FAM110B: variants seen among roughly 807,000 people sequenced by gnomAD.
FAM110B encodes the protein family with sequence similarity 110 member B, also known as protein FAM110B.
A neutral mutation model predicts 20.4 loss-of-function variants in FAM110B; 6 were observed. That is an observed-to-expected ratio of 0.29 (90% CI 0.16 to 0.58). The LOEUF (loss-of-function observed/expected upper bound fraction) is 0.58. Ranked by LOEUF, FAM110B falls within the 20% of genes least tolerant of loss-of-function variation. The pLI is 0.90. For synonymous variants in FAM110B, 226 were observed against 214.1 expected (o/e 1.06, Z -0.49); for missense variants, 434 against 498.2 (o/e 0.87, Z 1.23).
At chr8:58,058,655 A>AT (rs1563354187) in intron 2 of FAM110B, among the ~76,000 whole-genome samples, 1 of 152,100 alleles carries the variant, frequency 6.6e-6, no homozygotes, top group South Asian at 2.1e-4. Flanking sequence ...AGATTGAGTC[A>AT]TTTTTTTCTT....
At chr8:58,078,022 T>G (rs969760224) in intron 3 of FAM110B, among the ~76,000 whole-genome samples, 5 of 152,270 alleles carry the variant, frequency 3.3e-5, no homozygotes, top group Admixed American at 3.3e-4. Flanking sequence ...TTGTTTCTTA[T>G]CTGTATCCAA....
chr8:58,112,997 A>G (rs1807101170), intron 3 of FAM110B, among the ~76,000 whole-genome samples: 2 of 152,198 alleles, frequency 1.3e-5, no homozygotes, highest in African/African-American at 2.4e-5. Context: ...TTCTGGGCTC[A>G]CAGATGGACA....
chr8:58,037,482 ATT>A (rs1805101115), intron 2 of FAM110B, among the ~76,000 whole-genome samples: 3 of 151,366 alleles, frequency 2.0e-5, no homozygotes, highest in East Asian at 1.9e-4. Flanking sequence ...AAAAAAAAAA[ATT>A]AAAAATTATC....
At chr8:58,003,207 C>G (rs1804334539) in intron 1 of FAM110B, among the ~76,000 whole-genome samples, 1 of 152,164 alleles carries the variant, frequency 6.6e-6, no homozygotes, top group Non-Finnish European at 1.5e-5. Flanking sequence ...TTAGTTTTAT[C>G]ATGAGATTGC....
At chr8:58,049,548 G>A (rs924369372) in intron 2 of FAM110B, among the ~76,000 whole-genome samples, 4 of 152,012 alleles carry the variant, frequency 2.6e-5, no homozygotes, top group Admixed American at 2.6e-4. Context: ...GATTGACGGA[G>A]GATAGACACT....
chr8:58,102,894 C>T (rs910671989), intron 3 of FAM110B, among the ~76,000 whole-genome samples: 3 of 149,332 alleles, frequency 2.0e-5, no homozygotes, highest in African/African-American at 7.3e-5. Context: ...AGGCTAGAAA[C>T]TTCAAAGCCA....
At chr8:58,037,437 A>G (rs1329984763) in intron 2 of FAM110B, among the ~76,000 whole-genome samples, 2 of 149,954 alleles carry the variant, frequency 1.3e-5, no homozygotes, top group African/African-American at 2.5e-5. Flanking sequence ...GGAGTTTGAG[A>G]CCAGCTTGGC....
At chr8:58,068,904 T>C (rs1805832976) in intron 2 of FAM110B, among the ~76,000 whole-genome samples, 1 of 152,158 alleles carries the variant, frequency 6.6e-6, no homozygotes, top group Non-Finnish European at 1.5e-5. Flanking sequence ...TAATTAAAAC[T>C]TTTCCCAATT....
chr8:58,039,864 G>T (rs1805172555), intron 2 of FAM110B, among the ~76,000 whole-genome samples: 1 of 152,178 alleles, frequency 6.6e-6, no homozygotes, highest in South Asian at 2.1e-4. Flanking sequence ...GGTGCCAGCA[G>T]TCCCACCTCA....
chr8:58,102,268 A>G (rs1395746901), intron 3 of FAM110B, among the ~76,000 whole-genome samples: 5 of 152,182 alleles, frequency 3.3e-5, no homozygotes, highest in East Asian at 3.9e-4. Flanking sequence ...AAAAGCTAAC[A>G]CAGAGCGGCA....
intron 3 of FAM110B, among the ~76,000 whole-genome samples, chr8:58,132,385 G>T (rs1217870199): frequency 1.3e-5 from 2 of 150,514 alleles, no homozygotes; most frequent in East Asian, 2.0e-4. Context: ...GGTGAGGGGG[G>T]CGCTGGCCAG....
At chr8:58,125,141 G>C (rs1375885437) in intron 3 of FAM110B, among the ~76,000 whole-genome samples, 1 of 152,090 alleles carries the variant, frequency 6.6e-6, no homozygotes, top group African/African-American at 2.4e-5. Flanking sequence ...TTGAGCCCAG[G>C]AGTTCGAGAC....
At chr8:58,094,418 G>A (rs571607996) in intron 3 of FAM110B, among the ~76,000 whole-genome samples, 8 of 152,190 alleles carry the variant, frequency 5.3e-5, no homozygotes, top group African/African-American at 1.2e-4. Context: ...TTTGAGATAC[G>A]TTCCACCAAT....
At chr8:58,037,519 C>T (rs553373015) in intron 2 of FAM110B, among the ~76,000 whole-genome samples, 14 of 151,832 alleles carry the variant, frequency 9.2e-5, no homozygotes, top group African/African-American at 1.9e-4. Context: ...ACGCCTATAA[C>T]CCTAGCTACT....
intron 3 of FAM110B, among the ~76,000 whole-genome samples, chr8:58,138,517 TG>T (rs1803673411): frequency 6.6e-6 from 1 of 152,164 alleles, no homozygotes; most frequent in Non-Finnish European, 1.5e-5. Context: ...GGGCCTGTGT[TG>T]GGCTTTTTTG....
chr8:58,057,915 C>T (rs900270073), intron 2 of FAM110B, among the ~76,000 whole-genome samples: 4 of 152,242 alleles, frequency 2.6e-5, no homozygotes, highest in Non-Finnish European at 4.4e-5. Context: ...ACTTTGCTTC[C>T]TCCTGCAGTC....
Position 58,035,725 on chromosome 8 carries a change from G to A in FAM110B, c.-414+4022G>A, listed in dbSNP as rs77912392. Among the ~76,000 whole-genome samples the A allele has an allele frequency of 8.3e-3, 1,267 of 152,304 alleles. 7 individuals are homozygous for A. Among genetic ancestry groups the A allele is most frequent in the South Asian group, 0.015 (72 of 4,822 alleles). On this transcript the variant is annotated intron_variant, in intron 2 of 3. Coordinates refer to ENST00000519262, the MANE Select transcript of FAM110B (RefSeq NM_001377989.1). ...TGATGACTTTTCAAATTTACCTTTAGCAGTACAGTTAAACTATAAAGAAAG... is the reference window on the plus strand; with the variant it reads ...TGATGACTTTTCAAATTTACCTTTAACAGTACAGTTAAACTATAAAGAAAG...
At chr8:58,015,109 A>T (rs530962541) in intron 1 of FAM110B, among the ~76,000 whole-genome samples, 2 of 152,352 alleles carry the variant, frequency 1.3e-5, no homozygotes, top group Admixed American at 1.3e-4. Flanking sequence ...TAATCCCAGC[A>T]CTTTGGGAGG....
intron 1 of FAM110B, among the ~76,000 whole-genome samples, chr8:58,027,167 A>G (rs1197979694): frequency 1.3e-5 from 2 of 152,228 alleles, no homozygotes; most frequent in Non-Finnish European, 2.9e-5. Flanking sequence ...TGTAGACTAA[A>G]TAGGATTAGA....
Sources: allele counts gnomAD v4.1 joint callset (sites outside exome capture counted in the v4.1 genomes callset), GRCh38; gene constraint gnomAD v4.1.1; transcripts MANE v1.5; gene names NCBI Gene and HGNC (gene_info 2026-07-23, HGNC 2026-07-21).